Variants in CALCR observed in about 807,000 individuals in gnomAD.
CALCR encodes calcitonin receptor.
In CALCR, 47 loss-of-function variants were observed where a neutral mutation model predicts 59.5. The observed-to-expected ratio is 0.79, with a 90% CI of 0.63 to 1.01. The LOEUF is 1.01. CALCR is among the 50% of genes least tolerant of loss of function. The probability of loss-of-function intolerance (pLI) is 0.00; values close to 1 mark genes in which losing one functional copy is unlikely to be tolerated. For synonymous variants in CALCR, 213 were observed against 211.3 expected, an observed-to-expected ratio of 1.01 and a Z score of -0.07; for missense variants, 566 against 597.1, an observed-to-expected ratio of 0.95 and a Z score of 0.54.
intron 2 of CALCR, among the ~76,000 whole-genome samples, chr7:93,566,322 C>T (rs1388851401): frequency 2.6e-5 from 4 of 151,900 alleles, no homozygotes; most frequent in African/African-American, 9.7e-5. Context: ...AAGTGTGATC[C>T]TGAACTATTC....
At chr7:93,528,166 T>C (rs949666183) in intron 2 of CALCR, among the ~76,000 whole-genome samples, 20 of 152,204 alleles carry the variant, frequency 1.3e-4, no homozygotes, top group African/African-American at 4.8e-4. Flanking sequence ...TGATGCTGCC[T>C]GAACACTTTC....
At chr7:93,440,640 A>G (rs1419331793) in intron 9 of CALCR, among the ~76,000 whole-genome samples, 1 of 152,004 alleles carries the variant, frequency 6.6e-6, no homozygotes, top group Non-Finnish European at 1.5e-5. Flanking sequence ...TATCTTTCCA[A>G]AAGTCCATCT....
intron 8 of CALCR, among the ~76,000 whole-genome samples, chr7:93,451,179 G>A (rs900667484): frequency 4.6e-5 from 7 of 151,808 alleles, no homozygotes; most frequent in Non-Finnish European, 1.0e-4. Context: ...CTTTCACCTC[G>A]TAACAATAGT....
intron 8 of CALCR, among the ~76,000 whole-genome samples, chr7:93,458,754 T>C (rs1299844026): frequency 1.3e-5 from 2 of 152,158 alleles, no homozygotes; most frequent in African/African-American, 4.8e-5. Flanking sequence ...TCCCTCCACT[T>C]GTCCATTCAG....
chr7:93,479,944 G>T (rs1282768454), intron 3 of CALCR, among the ~76,000 whole-genome samples: 1 of 151,662 alleles, frequency 6.6e-6, no homozygotes, highest in East Asian at 1.9e-4. Flanking sequence ...TTTTTTATTT[G>T]ATTCTTTCAG....
chr7:93,564,462 A>T (rs61673020), intron 2 of CALCR, among the ~76,000 whole-genome samples: 10,231 of 148,746 alleles, frequency 0.069, 1,121 homozygotes, highest in African/African-American at 0.23. Context: ...TACACTTTTA[A>T]AAAAAAAAAA....
intron 2 of CALCR, among the ~76,000 whole-genome samples, chr7:93,544,586 TTC>T (rs1491252247): frequency 1.3e-5 from 2 of 152,214 alleles, no homozygotes; most frequent in Non-Finnish European, 1.5e-5. Flanking sequence ...AAGGTTTTTT[TTC>T]ACACATAAAA....
At chr7:93,473,655 C>A (rs545801045) in intron 5 of CALCR, among the ~76,000 whole-genome samples, 3 of 146,988 alleles carry the variant, frequency 2.0e-5, no homozygotes, top group East Asian at 4.2e-4. Context: ...TCTTACTATC[C>A]CTCCAACCAG....
At chr7:93,473,154 C>G (rs1800591109) in intron 5 of CALCR, among the ~76,000 whole-genome samples, 1 of 151,764 alleles carries the variant, frequency 6.6e-6, no homozygotes, top group Admixed American at 6.6e-5. Context: ...TTTAAAGTAT[C>G]TCATAGATGC....
intron 8 of CALCR, among the ~76,000 whole-genome samples, chr7:93,458,337 T>G (rs1309370738): frequency 6.6e-6 from 1 of 152,152 alleles, no homozygotes; most frequent in African/African-American, 2.4e-5. Context: ...TTGGCAGAAT[T>G]GTCAAAAGCC....
In CALCR at chr7:93,472,338, A is replaced by G. The variant is rs972945; in HGVS notation, c.429+37T>C. The stretch of plus-strand genomic sequence containing the variant: ...TCCATTTCCTTGTACAAATAATGAC[A>G]TTCTCACTCAATACTGAAACGTGAA... On this transcript the variant is annotated intron_variant, in intron 6 of 13. Transcript: ENST00000426151. 5.2e-3 allele frequency: 6,126 copies of G among 1,173,242 alleles called. 218 individuals are homozygous for G. In the African/African-American group the frequency reaches 0.079, roughly 15 times the overall value. 72.7% of individuals were successfully genotyped at this position (1,173,242 alleles called of 1,614,324 possible). A position where few individuals can be genotyped will look rare whatever the true frequency, so the allele number is the denominator to read the frequency against.
intron 2 of CALCR, among the ~76,000 whole-genome samples, chr7:93,488,956 T>C (rs1383845866): frequency 2.0e-5 from 3 of 151,924 alleles, no homozygotes; most frequent in Non-Finnish European, 4.4e-5. Context: ...ATCAACAGAA[T>C]ATACATTCTT....
chr7:93,472,312 G>T, intron 6 of CALCR, 63 bp downstream of exon 6: 1 of 947,244 alleles, frequency 1.1e-6, no homozygotes, highest in South Asian at 1.5e-5. Context: ...ACAGTTATGC[G>T]TCCATTTCCT....
intron 2 of CALCR, among the ~76,000 whole-genome samples, chr7:93,513,994 T>G (rs1801602972): frequency 6.6e-6 from 1 of 152,030 alleles, no homozygotes; most frequent in Non-Finnish European, 1.5e-5. Context: ...AGGATACATT[T>G]GCAATCCAAG....
chr7:93,565,432 T>C (rs879486027), intron 2 of CALCR, among the ~76,000 whole-genome samples: 3 of 152,356 alleles, frequency 2.0e-5, no homozygotes, highest in African/African-American at 7.2e-5. Context: ...GATATTAATA[T>C]TTTAGTAGCT....
intron 2 of CALCR, among the ~76,000 whole-genome samples, chr7:93,539,512 A>G (rs968760477): frequency 5.9e-5 from 9 of 152,070 alleles, no homozygotes; most frequent in African/African-American, 2.2e-4. Context: ...CTCTGAAATC[A>G]GTGACTCTCC....
At chr7:93,534,187 A>G (rs1161602986) in intron 2 of CALCR, among the ~76,000 whole-genome samples, 1 of 151,864 alleles carries the variant, frequency 6.6e-6, no homozygotes, top group African/African-American at 2.4e-5. Context: ...GACAACGATT[A>G]CATAACAGTC....
chr7:93,528,795 G>C (rs971582893), intron 2 of CALCR, among the ~76,000 whole-genome samples: 3 of 151,954 alleles, frequency 2.0e-5, no homozygotes, highest in Non-Finnish European at 4.4e-5. Context: ...TATTCTATTT[G>C]ACCACAAGAT....
chr7:93,541,885 T>C (rs78149015), intron 2 of CALCR, among the ~76,000 whole-genome samples: 5,623 of 152,322 alleles, frequency 0.037, 354 homozygotes, highest in African/African-American at 0.13. Flanking sequence ...GTGATGTTTT[T>C]ACTTTCTGAG....
Sources: gnomAD v4.1 joint callset for allele counts (sites outside exome capture counted in the v4.1 genomes callset) on GRCh38, gnomAD v4.1.1 for gene constraint, MANE v1.5 for transcripts, NCBI Gene and HGNC (gene_info 2026-07-23, HGNC 2026-07-21) for gene names.